PATJ: variants seen among roughly 807,000 people sequenced by gnomAD.
The protein encoded by PATJ is inaD-like protein.
Under a neutral mutation model 224.9 loss-of-function variants are expected in PATJ, and 190 were observed. The observed-to-expected ratio is 0.84, with a 90% CI of 0.75 to 0.95. PATJ has a LOEUF of 0.95. Among genes scored for constraint, PATJ ranks in the 40% least tolerant of loss-of-function variants. The pLI is 0.00. For missense variants in PATJ, 2,121 were observed against 2,270.3 expected, an observed-to-expected ratio of 0.93 and a Z score of 1.34; for synonymous variants, 769 against 820.3, an observed-to-expected ratio of 0.94 and a Z score of 1.07.
intron 27 of PATJ, among the ~76,000 whole-genome samples, chr1:61,960,429 A>G (rs181582090): frequency 6.6e-6 from 1 of 152,326 alleles, no homozygotes; most frequent in African/African-American, 2.4e-5. Context: ...TGGGAGGCCA[A>G]GGTGGCTGGA....
intron 1 of PATJ, among the ~76,000 whole-genome samples, chr1:61,748,704 A>C (rs575672085): frequency 6.6e-6 from 1 of 152,148 alleles, no homozygotes; most frequent in African/African-American, 2.4e-5. Flanking sequence ...TAATTTAATT[A>C]TTAGCTTTTG....
chr1:61,933,087 T>G (rs555947406), intron 27 of PATJ, among the ~76,000 whole-genome samples: 1 of 152,312 alleles, frequency 6.6e-6, no homozygotes, highest in African/African-American at 2.4e-5. Flanking sequence ...AATTGAACTC[T>G]GGTTCAATTA....
intron 27 of PATJ, among the ~76,000 whole-genome samples, chr1:61,973,152 C>T (rs1571587670): frequency 1.3e-5 from 2 of 152,082 alleles, no homozygotes; most frequent in Admixed American, 1.3e-4. Flanking sequence ...AATTTATTGA[C>T]ATATTATGCT....
chr1:62,119,186 G>A (rs1185699800), intron 37 of PATJ, among the ~76,000 whole-genome samples: 1 of 152,090 alleles, frequency 6.6e-6, no homozygotes, highest in Non-Finnish European at 1.5e-5. Context: ...TCATCACCTT[G>A]TGCTTAAAAT....
chr1:61,797,898 G>T (rs1651679789), intron 11 of PATJ, among the ~76,000 whole-genome samples: 1 of 151,708 alleles, frequency 6.6e-6, no homozygotes, highest in Non-Finnish European at 1.5e-5. Context: ...TGCCTCCTGG[G>T]TTCAAGTGAT....
chr1:61,926,236 G>A (rs1557886527), intron 26 of PATJ, among the ~76,000 whole-genome samples: 1 of 152,110 alleles, frequency 6.6e-6, no homozygotes, highest in Non-Finnish European at 1.5e-5. Flanking sequence ...CCACATCTGG[G>A]GAGAGCCTGG....
chr1:61,756,002 A>G (rs940121322), intron 1 of PATJ, among the ~76,000 whole-genome samples: 24 of 152,142 alleles, frequency 1.6e-4, no homozygotes, highest in Non-Finnish European at 2.1e-4. Flanking sequence ...GGGTTTCTCC[A>G]TGTTGGTCTC....
rs1649843495 is a variant in PATJ at position 61,791,444 on chromosome 1, A to G, written c.1165A>G (p.Thr389Ala). ...TGTTGGCTATGTTGGAACATCTCATACAGGTAAATGAATCATTTCTATTTT... is the reference window on the plus strand; with the variant it reads ...TGTTGGCTATGTTGGAACATCTCATGCAGGTAAATGAATCATTTCTATTTT... ...RIVGYVGTSH[T>A]GEASGIYVKS... The change falls in exon 9 of 44, where the codon ACA becomes GCA. Residue 389 changes from threonine to alanine, a missense_variant. Thr to Ala is a moderately conservative substitution (Grantham distance 58, BLOSUM62 0). Transcript: ENST00000642238. 2 of 1,546,490 alleles carry G rather than the reference A, an allele frequency of 1.3e-6. No individual in the cohort carries two copies. The highest frequency in any genetic ancestry group is 1.4e-5 in the African/African-American group (1 of 73,726).
Position 62,047,381 on chromosome 1 carries a change from T to G in PATJ, c.4033-3585T>G, listed in dbSNP as rs548399271. The stretch of plus-strand genomic sequence containing the variant: ...AAGCCATTCTCTTGCCTCAGCCTCC[T>G]GAGTAGCTGGGATTACAAGCACCCA... On this transcript the variant is annotated intron_variant, in intron 30 of 43. Transcript: ENST00000642238. Among the ~76,000 whole-genome samples, 8 of 152,260 alleles carry G rather than the reference T, an allele frequency of 5.3e-5. No homozygotes were observed. The East Asian group carries it at 1.5e-3, about 29-fold the overall frequency.
At chr1:62,079,304 T>A in intron 31 of PATJ, 146 bp from the exon 32 acceptor site, 2 of 600,490 alleles carry the variant, frequency 3.3e-6, no homozygotes, top group Non-Finnish European at 3.0e-6. Context: ...TAAATCATCC[T>A]AACTTCTTGC....
intron 28 of PATJ, among the ~76,000 whole-genome samples, chr1:62,014,491 A>AC (rs1458758150): frequency 6.6e-5 from 10 of 151,410 alleles, no homozygotes; most frequent in African/African-American, 1.2e-4. Context: ...ACCAGTTAGT[A>AC]TATTTTGAAC....
At chr1:61,956,265 GTTTAT>G (rs1485201010) in intron 27 of PATJ, among the ~76,000 whole-genome samples, 1 of 152,196 alleles carries the variant, frequency 6.6e-6, no homozygotes, top group Non-Finnish European at 1.5e-5. Flanking sequence ...TAGGTTTCCA[GTTTAT>G]TTTAATTATG....
intron 1 of PATJ, among the ~76,000 whole-genome samples, chr1:61,761,631 G>C (rs752938890): frequency 5.3e-5 from 8 of 151,960 alleles, no homozygotes; most frequent in Non-Finnish European, 1.0e-4. Context: ...GTAGTAAACA[G>C]GGAAAAACTT....
At chr1:61,862,875 T>C (rs1272157202) in intron 19 of PATJ, among the ~76,000 whole-genome samples, 1 of 152,100 alleles carries the variant, frequency 6.6e-6, no homozygotes, top group Non-Finnish European at 1.5e-5. Context: ...TTGCATAATA[T>C]GTAGACAGTG....
chr1:62,013,756 G>A (rs544066827), intron 28 of PATJ, among the ~76,000 whole-genome samples: 9 of 152,142 alleles, frequency 5.9e-5, no homozygotes, highest in Non-Finnish European at 8.8e-5. Context: ...GCCAGGCCTT[G>A]AATCAGGCTC....
intron 15 of PATJ, among the ~76,000 whole-genome samples, chr1:61,824,589 C>G (rs1239217710): frequency 6.6e-6 from 1 of 151,714 alleles, no homozygotes; most frequent in Non-Finnish European, 1.5e-5. Context: ...CCATGCCCTG[C>G]TAGTTTTAGT....
chr1:62,051,628 G>A (rs542311519), intron 31 of PATJ, among the ~76,000 whole-genome samples: 1 of 152,114 alleles, frequency 6.6e-6, no homozygotes. Context: ...TGCCTGGCCT[G>A]CAATTTATCC....
rs1445559031 is a variant in PATJ at position 61,755,902 on chromosome 1, A to G, written c.-35-6956A>G. 7.2e-5 allele frequency among the ~76,000 whole-genome samples: 11 copies of G among 152,192 alleles called. No homozygotes were observed. The South Asian group carries it at 1.9e-3, about 26-fold the overall frequency. The stretch of plus-strand genomic sequence containing the variant: ...CCGCAATCTCTGCCTCCTGGGTTCA[A>G]GCGATTCTCCTGCCTCAGCCTCCCA... On this transcript the variant is annotated intron_variant, in intron 1 of 43. Coordinates refer to ENST00000642238, the MANE Select transcript of PATJ (RefSeq NM_001350145.3).
chr1:62,053,308 G>A (rs571771104), intron 31 of PATJ, among the ~76,000 whole-genome samples: 1 of 152,332 alleles, frequency 6.6e-6, no homozygotes, highest in Non-Finnish European at 1.5e-5. Flanking sequence ...TGGTTCTGGA[G>A]TTTCTTAATC....
Sources: gnomAD v4.1 joint callset for allele counts (sites outside exome capture counted in the v4.1 genomes callset) on GRCh38, gnomAD v4.1.1 for gene constraint, MANE v1.5 for transcripts, NCBI Gene and HGNC (gene_info 2026-07-23, HGNC 2026-07-21) for gene names.